Variants in MITF observed in about 807,000 individuals in gnomAD.
The protein encoded by MITF is melanocyte inducing transcription factor, also known as microphthalmia-associated transcription factor.
In MITF, 17 loss-of-function variants were observed where a neutral mutation model predicts 60.5. The observed-to-expected ratio is 0.28, with a 90% CI of 0.19 to 0.42. MITF has a LOEUF of 0.42. MITF is among the 10% of genes least tolerant of loss of function. The pLI, the probability that MITF is intolerant of heterozygous loss-of-function variation, is 1.00. For synonymous variants in MITF, 260 were observed against 248.5 expected, an observed-to-expected ratio of 1.05 and a Z score of -0.43; for missense variants, 622 against 683.5, an observed-to-expected ratio of 0.91 and a Z score of 1.00.
chr3:69,768,362 A>G (rs1185351200), intron 1 of MITF, among the ~76,000 whole-genome samples: 1 of 152,174 alleles, frequency 6.6e-6, no homozygotes, highest in African/African-American at 2.4e-5. Context: ...TTCCTCCCCT[A>G]ATAAAAGACA....
chr3:69,932,890 T>C (rs2065753720), intron 2 of MITF, among the ~76,000 whole-genome samples: 2 of 152,144 alleles, frequency 1.3e-5, no homozygotes, highest in South Asian at 2.1e-4. Context: ...ATGAAAAGAA[T>C]AGTGGTGTGG....
intron 1 of MITF, among the ~76,000 whole-genome samples, chr3:69,815,153 G>C (rs930543376): frequency 4.6e-5 from 7 of 152,118 alleles, no homozygotes; most frequent in Non-Finnish European, 8.8e-5. Context: ...CAAAAACACT[G>C]AACGAAGCAG....
At chr3:69,906,090 T>G (rs1049887918) in intron 2 of MITF, among the ~76,000 whole-genome samples, 6 of 152,194 alleles carry the variant, frequency 3.9e-5, no homozygotes, top group African/African-American at 1.4e-4. Flanking sequence ...TCTTTTAGAA[T>G]GTTATAGTTT....
intron 2 of MITF, among the ~76,000 whole-genome samples, chr3:69,889,304 C>G (rs1006637779): frequency 6.6e-6 from 1 of 151,612 alleles, no homozygotes; most frequent in Non-Finnish European, 1.5e-5. Flanking sequence ...ACTCTGTGAA[C>G]TTGGGCACAT....
At chr3:69,762,263 T>C (rs2062222692) in intron 1 of MITF, among the ~76,000 whole-genome samples, 1 of 152,330 alleles carries the variant, frequency 6.6e-6, no homozygotes, top group South Asian at 2.1e-4. Context: ...ATTTAGTGGG[T>C]TCTATCAGTG....
chr3:69,932,577 G>T (rs895487395), intron 2 of MITF, among the ~76,000 whole-genome samples: 5 of 151,964 alleles, frequency 3.3e-5, no homozygotes, highest in African/African-American at 4.8e-5. Context: ...ATCTGATTTT[G>T]ATTCTTCTCC....
At chr3:69,739,798 A>G (rs1289192470) in intron 1 of MITF, 97 bp downstream of exon 1, 1 of 899,352 alleles carries the variant, frequency 1.1e-6, no homozygotes, top group Admixed American at 2.0e-5. Flanking sequence ...GAGCTCTGGG[A>G]CAAGGACCCA....
chr3:69,931,623 A>G (rs896388935), intron 2 of MITF, among the ~76,000 whole-genome samples: 2 of 152,200 alleles, frequency 1.3e-5, no homozygotes, highest in Non-Finnish European at 2.9e-5. Flanking sequence ...TTACAGCTCA[A>G]TTCTCTGAAT....
intron 1 of MITF, among the ~76,000 whole-genome samples, chr3:69,863,348 TG>T (rs1196318842): frequency 6.6e-6 from 1 of 152,214 alleles, no homozygotes; most frequent in African/African-American, 2.4e-5. Flanking sequence ...GACGTTTCAT[TG>T]CTGTATCCAA....
chr3:69,919,106 A>C (rs1050849034), intron 2 of MITF, among the ~76,000 whole-genome samples: 1 of 152,200 alleles, frequency 6.6e-6, no homozygotes. Context: ...CCATATTTCA[A>C]TACCAAAACG....
At chr3:69,834,891 T>G (rs1423720760) in intron 1 of MITF, among the ~76,000 whole-genome samples, 1 of 149,302 alleles carries the variant, frequency 6.7e-6, no homozygotes, top group Non-Finnish European at 1.5e-5. Context: ...TGGAGTGAGG[T>G]AGTATCTCCC....
At chr3:69,844,210 G>C (rs2063690635) in intron 1 of MITF, among the ~76,000 whole-genome samples, 3 of 152,130 alleles carry the variant, frequency 2.0e-5, no homozygotes, top group Admixed American at 2.0e-4. Flanking sequence ...ACATACATGT[G>C]CATGTGTCCT....
chr3:69,788,827 G>A (rs1174099805), intron 1 of MITF, among the ~76,000 whole-genome samples: 1 of 152,162 alleles, frequency 6.6e-6, no homozygotes. Context: ...TGACAAGGGT[G>A]CCAAGATGAT....
At chr3:69,893,160 T>C (rs956204975) in intron 2 of MITF, among the ~76,000 whole-genome samples, 2 of 152,164 alleles carry the variant, frequency 1.3e-5, no homozygotes, top group Non-Finnish European at 2.9e-5. Context: ...CTCCCTTTCA[T>C]AGTTATAGTC....
At chr3:69,770,677 TC>T (rs1301952027) in intron 1 of MITF, among the ~76,000 whole-genome samples, 2 of 152,170 alleles carry the variant, frequency 1.3e-5, no homozygotes, top group Non-Finnish European at 2.9e-5. Flanking sequence ...GTTCCTGCTC[TC>T]AAAAACCTTA....
At chr3:69,929,965 A>G (rs914880401) in intron 2 of MITF, among the ~76,000 whole-genome samples, 7 of 152,186 alleles carry the variant, frequency 4.6e-5, no homozygotes, top group African/African-American at 1.4e-4. Context: ...CAACTAGGTT[A>G]AGCCAGAGGA....
chr3:69,927,053 A>G (rs1300799577), intron 2 of MITF, among the ~76,000 whole-genome samples: 1 of 152,200 alleles, frequency 6.6e-6, no homozygotes, highest in African/African-American at 2.4e-5. Context: ...ATAATAAAAT[A>G]ACAATCACTG....
At chr3:69,860,721 T>C (rs2064001567) in intron 1 of MITF, among the ~76,000 whole-genome samples, 1 of 152,232 alleles carries the variant, frequency 6.6e-6, no homozygotes, top group South Asian at 2.1e-4. Flanking sequence ...TAATTTTTCC[T>C]TCTGGATGTT....
rs145129528 is a variant in MITF, at chr3:69,809,852, A to G, written c.105-69282A>G. ...AGATAATACCATGAACATTCTTCCA[A>G]AAATATTCTCAGTTAAACAAGAAGC... On this transcript the variant is annotated intron_variant, in intron 1 of 9. Transcript: ENST00000352241. Among the ~76,000 whole-genome samples, 701 of 152,310 alleles carry G rather than the reference A, an allele frequency of 4.6e-3. 4 individuals carry two copies. Among genetic ancestry groups the G allele is most frequent in the African/African-American group, 0.016 (680 of 41,576 alleles).
Sources: gnomAD v4.1 joint callset for allele counts (sites outside exome capture counted in the v4.1 genomes callset) on GRCh38, gnomAD v4.1.1 for gene constraint, MANE v1.5 for transcripts, NCBI Gene and HGNC (gene_info 2026-07-23, HGNC 2026-07-21) for gene names.